The following ABLIM2 variants were observed in gnomAD, a reference collection of about 807,000 sequenced individuals.
The protein encoded by ABLIM2 is actin binding LIM protein family member 2.
In ABLIM2, 53 loss-of-function variants were observed where a neutral mutation model predicts 97.7. The ratio of observed to expected loss-of-function variants is 0.54; its 90% confidence interval spans 0.44 to 0.68. ABLIM2 has a LOEUF of 0.68. ABLIM2 is among the 30% of genes least tolerant of loss of function. The pLI is 0.00. For synonymous variants in ABLIM2, 361 were observed against 345.8 expected (o/e 1.04, Z -0.49); for missense variants, 835 against 867.2 (o/e 0.96, Z 0.47).
At chr4:8,088,396 G>T in intron 3 of ABLIM2, 112 bp from the exon 4 acceptor site, 1 of 799,330 alleles carries the variant, frequency 1.3e-6, no homozygotes, top group Non-Finnish European at 2.0e-6. Flanking sequence ...TCTTGCAAAG[G>T]TACCACTCAC....
rs1223571497 is a variant in ABLIM2 at position 8,032,463 on chromosome 4, G to A, written c.1048-2687C>T. 6.6e-6 allele frequency among the ~76,000 whole-genome samples: 1 copy of A among 152,188 alleles called. No individual in the cohort carries two copies. The highest frequency in any genetic ancestry group is 1.5e-5 in the Non-Finnish European group (1 of 68,030). ...AGACATATCGGGGAGGCATGCAAGT[G>A]CGGGGTGATCATAAAAATAACCAGC... On this transcript the variant is annotated intron_variant, in intron 10 of 20. Transcript: ENST00000447017. The surrounding 1 kb of genome is among the most constrained non-coding windows in gnomAD (Gnocchi z 4.3).
In ABLIM2 at chr4:8,155,914, G is replaced by A. The variant is rs1404043776; in HGVS notation, c.10+2766C>T. Among the ~76,000 whole-genome samples the A allele has an allele frequency of 1.3e-5, 2 of 152,118 alleles. No individual in the cohort carries two copies. Among genetic ancestry groups the A allele is most frequent in the Admixed American group, 1.3e-4 (2 of 15,278 alleles). On this transcript the variant is annotated intron_variant, in intron 1 of 20. Transcript: ENST00000447017. The surrounding 1 kb of genome is among the most constrained non-coding windows in gnomAD (Gnocchi z 4.2). The stretch of plus-strand genomic sequence containing the variant: ...CGGCCGTCCACAAGCCAAGGAGAGG[G>A]GCTTTGGAAGGAAGTAACCCAGCTG...
At position 7,992,632 on chromosome 4, in the gene ABLIM2, G is replaced by T. The variant is rs745822347; in HGVS notation, c.1680+234C>A. Among the ~76,000 whole-genome samples the T allele has an allele frequency of 2.6e-5, 4 of 152,154 alleles. No homozygotes were observed. Among genetic ancestry groups the T allele is most frequent in the Non-Finnish European group, 5.9e-5 (4 of 68,008 alleles). On this transcript the variant is annotated intron_variant, in intron 17 of 20. Coordinates refer to ENST00000447017, the MANE Select transcript of ABLIM2 (RefSeq NM_001130083.2). This position sits in a 1 kb window ranked among gnomAD's most constrained non-coding sequence, Gnocchi z 5.7. Reference sequence around the variant, plus strand: ...TCCCACACACTGAGCTCTCCCTGGGGTCGGGGGCAGGGAGGCAGAGTGGGG... The same window carrying T: ...TCCCACACACTGAGCTCTCCCTGGGTTCGGGGGCAGGGAGGCAGAGTGGGG...
Position 8,032,682 on chromosome 4 carries a change from T to G in ABLIM2, c.1048-2906A>C, listed in dbSNP as rs1485761868. On this transcript the variant is annotated intron_variant, in intron 10 of 20. Transcript: ENST00000447017. This position sits in a 1 kb window ranked among gnomAD's most constrained non-coding sequence, Gnocchi z 4.3. ...CGTTGGCGAGAGCAACTGAGGGGAC[T>G]GTGGACACAACACACAAAGTGGCCA... 3 of 1,612,356 alleles carry G rather than the reference T, an allele frequency of 1.9e-6. No individual in the cohort carries two copies. Among genetic ancestry groups the G allele is most frequent in the Non-Finnish European group, 2.5e-6 (3 of 1,179,764 alleles).
At position 7,993,800 on chromosome 4, in the gene ABLIM2, C is replaced by A. The variant is rs1750867902; in HGVS notation, c.1619-873G>T. The A allele has an allele frequency of 7.1e-6, 3 of 425,190 alleles. No homozygotes were observed. In the Admixed American group the frequency reaches 8.0e-5, roughly 11 times the overall value. The allele number at this position is 425,190 out of a possible 1,614,324, so 26.3% of individuals were successfully genotyped here. A position where few individuals can be genotyped will look rare whatever the true frequency, so the allele number is the denominator to read the frequency against. On this transcript the variant is annotated intron_variant, in intron 16 of 20. Coordinates refer to ENST00000447017, the MANE Select transcript of ABLIM2 (RefSeq NM_001130083.2). ...TCTGAGACAATGAACTCTGGATTCC[C>A]TGTGGGGCAAGGCTCGCTGGGGCTG...
intron 2 of ABLIM2, among the ~76,000 whole-genome samples, chr4:8,105,032 T>A (rs1283701979): frequency 6.6e-6 from 1 of 152,180 alleles, no homozygotes; most frequent in Non-Finnish European, 1.5e-5. Flanking sequence ...GGCCCAGGGC[T>A]GCAGACACGC....
intron 3 of ABLIM2, 70 bp from the exon 4 acceptor site, chr4:8,088,354 T>G (rs1165937686): frequency 2.4e-6 from 3 of 1,266,674 alleles, no homozygotes; most frequent in Non-Finnish European, 3.4e-6. Flanking sequence ...CCTGTCCCAG[T>G]GCAGGAGACC....
At chr4:8,151,607 G>C (rs990520561) in intron 1 of ABLIM2, among the ~76,000 whole-genome samples, 1 of 152,170 alleles carries the variant, frequency 6.6e-6, no homozygotes, top group Non-Finnish European at 1.5e-5. Context: ...TGGCAGCCAG[G>C]CCTCACACCC....
In ABLIM2 at chr4:8,008,149, A is replaced by G; in HGVS notation, c.1528T>C (p.Ser510Pro). ...LKGDADTRTN[S>P]PDLDTQSLSH... ...AAGGACTGGGTGTCCAGGTCTGGAG[A>G]ATTGGTCCTTGTGTCTGCATCCCCC... The change falls in exon 16 of 21, where the codon TCT becomes CCT. Residue 510 changes from serine to proline, a missense_variant. By Grantham distance (74) the Ser-to-Pro change is moderately conservative (BLOSUM62 -1). Coordinates refer to ENST00000447017, the MANE Select transcript of ABLIM2 (RefSeq NM_001130083.2). 6.2e-7 allele frequency: 1 copy of G among 1,613,870 alleles called. No individual in the cohort carries two copies. The highest frequency in any genetic ancestry group is 1.3e-5 in the African/African-American group (1 of 75,026).
In ABLIM2 at chr4:8,021,491, C is replaced by T. The variant is rs1051170851; in HGVS notation, c.1268-1188G>A. Among the ~76,000 whole-genome samples the T allele has an allele frequency of 6.6e-6, 1 of 152,368 alleles. No individual in the cohort carries two copies. The highest frequency in any genetic ancestry group is 1.9e-4 in the East Asian group (1 of 5,186). On this transcript the variant is annotated intron_variant, in intron 12 of 20. Coordinates refer to ENST00000447017, the MANE Select transcript of ABLIM2 (RefSeq NM_001130083.2). The surrounding 1 kb of genome is among the most constrained non-coding windows in gnomAD (Gnocchi z 5.5). ...AGGCAATGGGCTGCAAGGGGTAAGGCGCTCTTCACCTGAGAACGTTCCCTC... is the reference window on the plus strand; with the variant it reads ...AGGCAATGGGCTGCAAGGGGTAAGGTGCTCTTCACCTGAGAACGTTCCCTC...
intron 14 of ABLIM2, among the ~76,000 whole-genome samples, chr4:8,018,133 A>G (rs1316887648): frequency 6.6e-6 from 1 of 152,226 alleles, no homozygotes; most frequent in Non-Finnish European, 1.5e-5. Flanking sequence ...CAATTTCATA[A>G]CCTGGTTTGC....
chr4:8,141,629 G>T lies in ABLIM2; in HGVS notation c.10+17051C>A, dbSNP rs78428209. Among the ~76,000 whole-genome samples, 45 of 152,272 alleles carry T rather than the reference G, an allele frequency of 3.0e-4. No homozygotes were observed. The East Asian group carries it at 6.0e-3, about 20-fold the overall frequency. On this transcript the variant is annotated intron_variant, in intron 1 of 20. Transcript: ENST00000447017. ...ATTCCTGACCTCAAATGATCCTCCT[G>T]CTTTGGTCTCCCAAAGTGCTGGGAT...
rs1313008082 is a variant in ABLIM2, at chr4:8,067,260, C to T, written c.676-6206G>A. On this transcript the variant is annotated intron_variant, in intron 6 of 20. Transcript: ENST00000447017. The surrounding 1 kb of genome is among the most constrained non-coding windows in gnomAD (Gnocchi z 5.4). Reference sequence around the variant, plus strand: ...CAGAGCACGGAATTAACTGCATCCTCAGCTCACCGGCTCCCTGTCAACAGC... The same window carrying T: ...CAGAGCACGGAATTAACTGCATCCTTAGCTCACCGGCTCCCTGTCAACAGC... 6.6e-6 allele frequency: 1 copy of T among 152,392 alleles called. No homozygotes were observed. Among genetic ancestry groups the T allele is most frequent in the East Asian group, 1.9e-4 (1 of 5,192 alleles). The allele number at this position is 152,392 out of a possible 1,614,324, so 9.4% of individuals were successfully genotyped here.
At chr4:8,139,564 C>A (rs1850664964) in intron 1 of ABLIM2, among the ~76,000 whole-genome samples, 1 of 152,180 alleles carries the variant, frequency 6.6e-6, no homozygotes, top group African/African-American at 2.4e-5. Context: ...CCATCTCACA[C>A]CAGTCAGAAT....
intron 17 of ABLIM2, among the ~76,000 whole-genome samples, chr4:7,991,173 A>G (rs1360401484): frequency 6.6e-6 from 1 of 152,230 alleles, no homozygotes; most frequent in Non-Finnish European, 1.5e-5. Context: ...GCTGTTCTCA[A>G]AAGAGTGTGG....
rs1472327959 is a variant in ABLIM2, at chr4:8,147,476, C to T, written c.10+11204G>A. ...CTTTGCAGATGTGATTTACATAAAG[C>T]GTCTAGAGACTGGGAGATGATTCTG... On this transcript the variant is annotated intron_variant, in intron 1 of 20. Coordinates refer to ENST00000447017, the MANE Select transcript of ABLIM2 (RefSeq NM_001130083.2). This position sits in a 1 kb window ranked among gnomAD's most constrained non-coding sequence, Gnocchi z 5.3. Among the ~76,000 whole-genome samples the T allele has an allele frequency of 3.9e-5, 6 of 152,154 alleles. No homozygotes were observed. Among genetic ancestry groups the T allele is most frequent in the African/African-American group, 1.2e-4 (5 of 41,436 alleles).
chr4:8,058,578 G>A lies in ABLIM2; in HGVS notation c.763+2389C>T, dbSNP rs573413842. On this transcript the variant is annotated intron_variant, in intron 7 of 20. Coordinates refer to ENST00000447017, the MANE Select transcript of ABLIM2 (RefSeq NM_001130083.2). This position sits in a 1 kb window ranked among gnomAD's most constrained non-coding sequence, Gnocchi z 4.2. ...TCACAATAGCAGACCTGTCCTCGCC[G>A]GGGCCCCTATGCCCCGTCCAATCCA... 4.6e-5 allele frequency among the ~76,000 whole-genome samples: 7 copies of A among 152,274 alleles called. No homozygotes were observed. In the East Asian group the frequency reaches 5.8e-4, roughly 13 times the overall value.
chr4:8,047,045 C>T (rs1334069544), intron 8 of ABLIM2, among the ~76,000 whole-genome samples: 5 of 152,292 alleles, frequency 3.3e-5, no homozygotes, highest in East Asian at 1.9e-4. Context: ...CATCGTGCAG[C>T]GGCTGGCGTG....
chr4:8,106,385 C>T, intron 2 of ABLIM2, 109 bp downstream of exon 2: 1 of 1,435,754 alleles, frequency 7.0e-7, no homozygotes, highest in South Asian at 1.3e-5. Context: ...GGAGTGTTCT[C>T]CAGTATCCCA....
Sources: allele counts gnomAD v4.1 joint callset (sites outside exome capture counted in the v4.1 genomes callset), GRCh38; gene constraint gnomAD v4.1.1; non-coding constraint Gnocchi (gnomAD v3.1); transcripts MANE v1.5; gene names NCBI Gene and HGNC (gene_info 2026-07-23, HGNC 2026-07-21).